Variants in VDAC1 observed in about 807,000 individuals in gnomAD.
VDAC1 encodes the protein voltage dependent anion channel 1.
In VDAC1, 10 loss-of-function variants were observed where a neutral mutation model predicts 34.7. The ratio of observed to expected loss-of-function variants is 0.29; its 90% confidence interval spans 0.18 to 0.49. The LOEUF is 0.49. Among genes scored for constraint, VDAC1 ranks in the 20% least tolerant of loss-of-function variants. The probability of loss-of-function intolerance (pLI) is 0.99; values close to 1 mark genes in which losing one functional copy is unlikely to be tolerated. For missense variants in VDAC1, 230 were observed against 347.9 expected, an observed-to-expected ratio of 0.66 and a Z score of 2.69; for synonymous variants, 130 against 136.0, an observed-to-expected ratio of 0.96 and a Z score of 0.30.
At chr5:134,001,061 A>G (rs2127020889) in intron 1 of VDAC1, among the ~76,000 whole-genome samples, 1 of 152,366 alleles carries the variant, frequency 6.6e-6, no homozygotes, top group South Asian at 2.1e-4. Flanking sequence ...GCACACAGCC[A>G]TGCACAAGTT....
the VDAC1 span, among the ~76,000 whole-genome samples, chr5:134,110,295 C>G: frequency 6.6e-6 from 1 of 152,072 alleles, no homozygotes; most frequent in Non-Finnish European, 1.5e-5. Flanking sequence ...GTATGAAGTC[C>G]GAGGGATGGA....
chr5:134,079,730 T>A, the VDAC1 span, among the ~76,000 whole-genome samples: 2 of 152,116 alleles, frequency 1.3e-5, no homozygotes, highest in African/African-American at 4.8e-5. Context: ...CCCCAGGCCT[T>A]CCCAGGTGAG....
the VDAC1 span, among the ~76,000 whole-genome samples, chr5:134,078,090 G>A: frequency 9.2e-5 from 14 of 152,346 alleles, no homozygotes; most frequent in African/African-American, 3.1e-4. Flanking sequence ...AAGGCACAGA[G>A]AGGTGGCCAT....
chr5:134,065,639 C>G, the VDAC1 span, among the ~76,000 whole-genome samples: 6 of 151,876 alleles, frequency 4.0e-5, no homozygotes, highest in East Asian at 1.2e-3. Context: ...CTGTGCCCTG[C>G]CTCTTTGGTT....
the VDAC1 span, among the ~76,000 whole-genome samples, chr5:134,049,333 A>G: frequency 6.6e-6 from 1 of 152,120 alleles, no homozygotes; most frequent in Non-Finnish European, 1.5e-5. Context: ...GCCTCAAGCA[A>G]TCGTCCTACC....
At chr5:134,048,072 A>C in the VDAC1 span, among the ~76,000 whole-genome samples, 1 of 151,668 alleles carries the variant, frequency 6.6e-6, no homozygotes, top group East Asian at 1.9e-4. Flanking sequence ...GGTTCACACC[A>C]TTCTCCTGCC....
chr5:134,079,274 T>C, the VDAC1 span, among the ~76,000 whole-genome samples: 1 of 152,178 alleles, frequency 6.6e-6, no homozygotes, highest in Non-Finnish European at 1.5e-5. Flanking sequence ...CCACCACGCC[T>C]GGCCCCCTCA....
At chr5:134,036,424 C>G in the VDAC1 span, among the ~76,000 whole-genome samples, 11 of 152,146 alleles carry the variant, frequency 7.2e-5, no homozygotes, top group Non-Finnish European at 1.5e-4. Flanking sequence ...GTGTCAAGGT[C>G]ATGAAAGACT....
At chr5:134,004,703 G>A (rs1197385790) in intron 1 of VDAC1, 192 bp downstream of exon 1, 1 of 151,654 alleles carries the variant, frequency 6.6e-6, no homozygotes, top group East Asian at 1.9e-4. Flanking sequence ...GCGACGCGGA[G>A]GCAGGGAGCC....
the VDAC1 span, among the ~76,000 whole-genome samples, chr5:134,104,434 G>A: frequency 1.3e-5 from 2 of 152,308 alleles, no homozygotes; most frequent in East Asian, 3.9e-4. Flanking sequence ...CGTGCAGGGC[G>A]AGAGGCACCA....
the VDAC1 span, among the ~76,000 whole-genome samples, chr5:134,076,608 T>G: frequency 6.6e-6 from 1 of 152,162 alleles, no homozygotes; most frequent in Non-Finnish European, 1.5e-5. Context: ...TGCAAGGGAC[T>G]CCATACCCAG....
At chr5:134,082,718 G>T in the VDAC1 span, among the ~76,000 whole-genome samples, 1 of 152,148 alleles carries the variant, frequency 6.6e-6, no homozygotes, top group African/African-American at 2.4e-5. Flanking sequence ...ACCTGGTATG[G>T]TCAGTTCGGG....
chr5:134,053,178 C>T, the VDAC1 span, among the ~76,000 whole-genome samples: 1 of 152,144 alleles, frequency 6.6e-6, no homozygotes, highest in African/African-American at 2.4e-5. Flanking sequence ...CATAACTGAG[C>T]AGGGTTTGAA....
At position 133,992,505 on chromosome 5, in the gene VDAC1, G is replaced by C. The variant is rs116332614; in HGVS notation, c.68-150C>G. The C allele has an allele frequency of 3.5e-3, 1,767 of 511,438 alleles. 23 individuals carry two copies. Among genetic ancestry groups the C allele is most frequent in the African/African-American group, 0.023 (1,144 of 50,290 alleles). The allele number at this position is 511,438 out of a possible 1,614,324, so 31.7% of individuals were successfully genotyped here. On this transcript the variant is annotated intron_variant, in intron 2 of 8. Coordinates refer to ENST00000265333, the MANE Select transcript of VDAC1 (RefSeq NM_003374.3). ...GCACCCAGTCTCTGCTGCTGCTCGT[G>C]GGGGGAGCTCTCAGCTGCCATGGAA...
At chr5:134,023,120 T>C in the VDAC1 span, among the ~76,000 whole-genome samples, 1 of 152,158 alleles carries the variant, frequency 6.6e-6, no homozygotes, top group Non-Finnish European at 1.5e-5. Context: ...GTGGCACATA[T>C]ACACCATGGA....
the VDAC1 span, among the ~76,000 whole-genome samples, chr5:134,046,307 C>T: frequency 6.6e-6 from 1 of 152,110 alleles, no homozygotes; most frequent in South Asian, 2.1e-4. Flanking sequence ...GGATTACAAA[C>T]ATGAGCCACC....
chr5:133,976,667 C>G (rs1269012415), intron 6 of VDAC1, among the ~76,000 whole-genome samples: 1 of 151,316 alleles, frequency 6.6e-6, no homozygotes, highest in Non-Finnish European at 1.5e-5. Context: ...AAAAAAGAAG[C>G]AGCAAGTAGA....
the VDAC1 span, among the ~76,000 whole-genome samples, chr5:134,068,000 A>G: frequency 6.6e-4 from 100 of 152,166 alleles, 1 homozygote; most frequent in East Asian, 0.011. Context: ...AGCCTGTAAT[A>G]CCAGCTACGT....
At chr5:134,106,089 G>A in the VDAC1 span, among the ~76,000 whole-genome samples, 1 of 152,196 alleles carries the variant, frequency 6.6e-6, no homozygotes. Context: ...CCCGAGTGGT[G>A]GAGAGCCCCG....
Sources: gnomAD v4.1 joint callset for allele counts (sites outside exome capture counted in the v4.1 genomes callset) on GRCh38, gnomAD v4.1.1 for gene constraint, MANE v1.5 for transcripts, NCBI Gene and HGNC (gene_info 2026-07-23, HGNC 2026-07-21) for gene names.